ACO1: variants seen among roughly 807,000 people sequenced by gnomAD.
The protein encoded by ACO1 is aconitase 1.
A neutral mutation model predicts 105.1 loss-of-function variants in ACO1; 78 were observed. The observed-to-expected ratio is 0.74, with a 90% CI of 0.62 to 0.90. The LOEUF is 0.90. Among genes scored for constraint, ACO1 ranks in the 40% least tolerant of loss-of-function variants. ACO1 has a pLI of 0.00. For missense variants in ACO1, 965 were observed against 1,111.1 expected, an observed-to-expected ratio of 0.87 and a Z score of 1.87; for synonymous variants, 364 against 397.4, an observed-to-expected ratio of 0.92 and a Z score of 1.00.
intron 1 of ACO1, among the ~76,000 whole-genome samples, chr9:32,398,845 T>C (rs935903046): frequency 1.4e-4 from 22 of 152,172 alleles, no homozygotes; most frequent in African/African-American, 5.3e-4. Flanking sequence ...TCCACCCACG[T>C]TGGCCTCCCA....
chr9:32,414,551 C>T (rs895763467), intron 4 of ACO1, among the ~76,000 whole-genome samples: 3 of 152,332 alleles, frequency 2.0e-5, no homozygotes, highest in Non-Finnish European at 2.9e-5. Context: ...GGCTTCTGCA[C>T]GTCCTATGAA....
intron 1 of ACO1, among the ~76,000 whole-genome samples, chr9:32,392,150 T>A (rs898136986): frequency 2.0e-5 from 3 of 152,222 alleles, no homozygotes; most frequent in Non-Finnish European, 2.9e-5. Context: ...TTATTTTTTT[T>A]AAATGCATTT....
rs1366661565 is a variant in ACO1, at chr9:32,420,856, C to T, written c.799C>T (p.His267Tyr). ...CTTTTCTGTTGTTTCTGCTGCTTAG[C>T]ACCTCCGCCAGGTTGGGGTAGTGGG... Reference protein sequence around the residue: ...STDIVLTITKHLRQVGVVGKF... With the variant: ...STDIVLTITKYLRQVGVVGKF... The change falls in exon 8 of 21, where the codon CAC becomes TAC. Residue 267 changes from histidine to tyrosine, a missense_variant and splice_region_variant. By Grantham distance (83) the His-to-Tyr change is moderately conservative. Coordinates refer to ENST00000309951, the MANE Select transcript of ACO1 (RefSeq NM_002197.3). The T allele has an allele frequency of 3.7e-6, 6 of 1,612,810 alleles. No homozygotes were observed. Among genetic ancestry groups the T allele is most frequent in the African/African-American group, 1.3e-5 (1 of 75,022 alleles).
rs1024276688 is a variant in ACO1, at chr9:32,439,049, C to T, written c.2248-1416C>T. ...TGCTTTCTAAGCTGTCAGTGGCTCTCAGCATGGCGTGTTTAATAGAAAAGT... is the reference window on the plus strand; with the variant it reads ...TGCTTTCTAAGCTGTCAGTGGCTCTTAGCATGGCGTGTTTAATAGAAAAGT... On this transcript the variant is annotated intron_variant, in intron 18 of 20. Coordinates refer to ENST00000309951, the MANE Select transcript of ACO1 (RefSeq NM_002197.3). The surrounding 1 kb of genome is among the most constrained non-coding windows in gnomAD (Gnocchi z 4.0). Among the ~76,000 whole-genome samples the T allele has an allele frequency of 2.0e-5, 3 of 152,208 alleles. No homozygotes were observed. Among genetic ancestry groups the T allele is most frequent in the Non-Finnish European group, 4.4e-5 (3 of 68,030 alleles).
In ACO1 at chr9:32,407,269, C is replaced by A. The variant is rs1821632422; in HGVS notation, c.106C>A (p.Pro36Thr). Residue 36 changes from proline to threonine, a missense_variant, in exon 3 of 21, where the codon CCA becomes ACA. Physicochemically the swap from Pro to Thr is conservative, Grantham distance 38. Transcript: ENST00000309951. ...KLEDSRYGRL[P>T]FSIRVLLEAA... ...TCATCCTTAACTCTTAGGGCGCTTACCATTTTCGATCAGAGTTCTTCTGGA... is the reference window on the plus strand; with the variant it reads ...TCATCCTTAACTCTTAGGGCGCTTAACATTTTCGATCAGAGTTCTTCTGGA... 2 of 1,614,032 alleles carry A rather than the reference C, an allele frequency of 1.2e-6. No individual in the cohort carries two copies. Among genetic ancestry groups the A allele is most frequent in the Middle Eastern group, 3.3e-4 (2 of 6,062 alleles).
rs73477334 is a variant in ACO1 at position 32,430,680 on chromosome 9, A to G, written c.1726+106A>G. The G allele has an allele frequency of 0.011, 13,574 of 1,247,666 alleles. 1,181 individuals carry two copies. The African/African-American group carries it at 0.18, about 17-fold the overall frequency. 77.3% of individuals were successfully genotyped at this position (1,247,666 alleles called of 1,614,324 possible). A position where few individuals can be genotyped will look rare whatever the true frequency, so the allele number is the denominator to read the frequency against. ...GAAATGAAGCATAGAGCCTCCAGGG[A>G]TAAGACAAAGAAGAGAATAATTTCT... On this transcript the variant is annotated intron_variant, in intron 14 of 20. Coordinates refer to ENST00000309951, the MANE Select transcript of ACO1 (RefSeq NM_002197.3).
chr9:32,413,968 T>A (rs951427837), intron 4 of ACO1, among the ~76,000 whole-genome samples: 1 of 151,870 alleles, frequency 6.6e-6, no homozygotes, highest in South Asian at 2.1e-4. Flanking sequence ...GCTAACACGG[T>A]GAAACCCCAT....
At chr9:32,404,200 C>T (rs1045762395) in intron 1 of ACO1, among the ~76,000 whole-genome samples, 1 of 152,170 alleles carries the variant, frequency 6.6e-6, no homozygotes, top group Non-Finnish European at 1.5e-5. Context: ...CATCTTCCCT[C>T]CAAAAGCAGT....
chr9:32,453,164 A>C lies in ACO1; in HGVS notation c.*3053A>C, dbSNP rs544551494. ...TTTGTTTGGATAGTTTTCCAAATTC[A>C]TTACTGCATTCCTGGCATCCGCAGC... On this transcript the variant is annotated 3_prime_UTR_variant, in exon 21 of 21. Coordinates refer to ENST00000309951, the MANE Select transcript of ACO1 (RefSeq NM_002197.3). 7 of 152,034 alleles carry C rather than the reference A, an allele frequency of 4.6e-5. No individual in the cohort carries two copies. The highest frequency in any genetic ancestry group is 5.9e-5 in the Non-Finnish European group (4 of 68,012). The allele number at this position is 152,034 out of a possible 1,614,324, so 9.4% of individuals were successfully genotyped here.
intron 1 of ACO1, among the ~76,000 whole-genome samples, chr9:32,399,400 A>T (rs984579924): frequency 2.0e-5 from 3 of 152,216 alleles, no homozygotes; most frequent in Non-Finnish European, 2.9e-5. Flanking sequence ...TTAATGTCTC[A>T]ACTTGGCAAA....
intron 1 of ACO1, among the ~76,000 whole-genome samples, chr9:32,389,699 T>C (rs1821226749): frequency 6.6e-6 from 1 of 151,984 alleles, no homozygotes; most frequent in African/African-American, 2.4e-5. Flanking sequence ...TTCTCTATTT[T>C]TAATGGAAAA....
Position 32,426,012 on chromosome 9 carries a change from C to T in ACO1, c.1348+15C>T. Reference sequence around the variant, plus strand: ...GTTAGGGGCAGGTAAGTGCATTTGACTCCATCCTCATGGTCATACATGTGT... The same window carrying T: ...GTTAGGGGCAGGTAAGTGCATTTGATTCCATCCTCATGGTCATACATGTGT... On this transcript the variant is annotated intron_variant, in intron 11 of 20. Coordinates refer to ENST00000309951, the MANE Select transcript of ACO1 (RefSeq NM_002197.3). 2.5e-6 allele frequency: 4 copies of T among 1,612,290 alleles called. No homozygotes were observed. Among genetic ancestry groups the T allele is most frequent in the Non-Finnish European group, 2.5e-6 (3 of 1,178,882 alleles).
chr9:32,408,336 A>G (rs753309956), intron 3 of ACO1, among the ~76,000 whole-genome samples, 178 bp from the exon 4 acceptor site: 1 of 152,216 alleles, frequency 6.6e-6, no homozygotes, highest in Non-Finnish European at 1.5e-5. Context: ...CTTACTACCT[A>G]TGTGATTTCT....
At chr9:32,449,875 T>C (rs2118591970) in intron 20 of ACO1, 123 bp from the exon 21 acceptor site, 1 of 706,482 alleles carries the variant, frequency 1.4e-6, no homozygotes, top group Admixed American at 2.3e-5. Context: ...TTGCATGTCC[T>C]CATGTGCTGC....
chr9:32,433,705 C>T (rs1419807685), intron 15 of ACO1, 23 bp from the exon 16 acceptor site: 1 of 1,552,276 alleles, frequency 6.4e-7, no homozygotes, highest in Admixed American at 1.9e-5. Context: ...GTGATTAGAT[C>T]TGCCTTTCTT....
chr9:32,408,373 T>C (rs1399940594), intron 3 of ACO1, 141 bp from the exon 4 acceptor site: 1 of 910,598 alleles, frequency 1.1e-6, no homozygotes, highest in Non-Finnish European at 1.7e-6. Context: ...TTAGAAACTT[T>C]CACTTTTCTA....
At position 32,419,159 on chromosome 9, in the gene ACO1, C is replaced by G. The variant is rs747053727; in HGVS notation, c.780C>G (p.Ile260Met). The G allele has an allele frequency of 1.9e-6, 3 of 1,595,350 alleles. No individual in the cohort carries two copies. Among genetic ancestry groups the G allele is most frequent in the Non-Finnish European group, 2.6e-6 (3 of 1,170,496 alleles). ...ACCCTCTGGTAACATCCACTGACAT[C>G]GTGCTCACCATTACCAAGGTAACAA... is the stretch of plus-strand genomic sequence containing the variant. Reference protein sequence around the residue: ...KPHPLVTSTDIVLTITKHLRQ... With the variant: ...KPHPLVTSTDMVLTITKHLRQ... The change falls in exon 7 of 21, where the codon ATC becomes ATG. Residue 260 changes from isoleucine to methionine, a missense_variant. Transcript: ENST00000309951.
At chr9:32,384,767 C>T (rs757920238) in intron 1 of ACO1, 32 bp downstream of exon 1, 10 of 364,646 alleles carry the variant, frequency 2.7e-5, no homozygotes, top group Admixed American at 1.3e-4. Context: ...CCCACGTCCC[C>T]AGGCGGGAGC....
rs765502500 is a variant in ACO1, at chr9:32,450,150, C to CA, written c.*40dup. The CA allele has an allele frequency of 6.5e-7, 1 of 1,535,934 alleles. No homozygotes were observed. The highest frequency in any genetic ancestry group is 2.2e-5 in the East Asian group (1 of 44,466). On this transcript the variant is annotated 3_prime_UTR_variant, in exon 21 of 21. Transcript: ENST00000309951. ...GGTGCTGCGCCCAGGGAGGAAGCCG[C>CA]ACCACCAGCCAGCGCAGGCCCTGGT...
Sources: allele counts gnomAD v4.1 joint callset (sites outside exome capture counted in the v4.1 genomes callset), GRCh38; gene constraint gnomAD v4.1.1; non-coding constraint Gnocchi (gnomAD v3.1); transcripts MANE v1.5; gene names NCBI Gene and HGNC (gene_info 2026-07-23, HGNC 2026-07-21).